The following ARHGAP32 variants were observed in gnomAD, a reference collection of about 807,000 sequenced individuals.
ARHGAP32 encodes rho GTPase-activating protein 32.
ARHGAP32 carries 51 observed loss-of-function variants against 186.5 expected under a neutral mutation model. The observed-to-expected ratio is 0.27, with a 90% CI of 0.22 to 0.35. ARHGAP32 has a LOEUF of 0.35. Among genes scored for constraint, ARHGAP32 ranks in the 10% least tolerant of loss-of-function variants. The pLI, the probability that ARHGAP32 is intolerant of heterozygous loss-of-function variation, is 1.00. For synonymous variants in ARHGAP32, 950 were observed against 964.3 expected, an observed-to-expected ratio of 0.99 and a Z score of 0.27; for missense variants, 2,186 against 2,623.5, an observed-to-expected ratio of 0.83 and a Z score of 3.64.
At chr11:129,059,681 G>C (rs1350649178) in intron 10 of ARHGAP32, among the ~76,000 whole-genome samples, 1 of 151,822 alleles carries the variant, frequency 6.6e-6, no homozygotes. Flanking sequence ...TGTATTTTTA[G>C]TAGAGATGGG....
chr11:129,186,880 T>C (rs1392863049), intron 1 of ARHGAP32, among the ~76,000 whole-genome samples: 1 of 152,066 alleles, frequency 6.6e-6, no homozygotes. Flanking sequence ...CCGGCAACAA[T>C]GTGGAGAAAT....
chr11:129,236,060 A>C (rs1346822810), intron 1 of ARHGAP32, among the ~76,000 whole-genome samples: 1 of 152,102 alleles, frequency 6.6e-6, no homozygotes, highest in Non-Finnish European at 1.5e-5. Context: ...TCGAATAATG[A>C]CTTCTTTTCC....
chr11:129,126,482 C>T (rs1397484494), intron 2 of ARHGAP32, among the ~76,000 whole-genome samples: 1 of 152,170 alleles, frequency 6.6e-6, no homozygotes, highest in Non-Finnish European at 1.5e-5. Flanking sequence ...TCTTTCTAGT[C>T]TGCATTTCAC....
intron 1 of ARHGAP32, among the ~76,000 whole-genome samples, chr11:129,276,984 G>C (rs1441108688): frequency 6.6e-6 from 1 of 152,134 alleles, no homozygotes; most frequent in Non-Finnish European, 1.5e-5. Context: ...GGTTAAATCC[G>C]AAAAATTCTC....
chr11:128,997,684 A>G (rs976253631), intron 12 of ARHGAP32, among the ~76,000 whole-genome samples: 10 of 152,168 alleles, frequency 6.6e-5, no homozygotes, highest in Non-Finnish European at 1.3e-4. Context: ...AATTTAATTT[A>G]TAAAGAAAGG....
At chr11:129,164,238 T>C in intron 2 of ARHGAP32, 81 bp downstream of exon 2, 2 of 852,174 alleles carry the variant, frequency 2.3e-6, no homozygotes, top group South Asian at 4.0e-5. Flanking sequence ...TTGTGTAATG[T>C]GTCCTCAGTT....
intron 1 of ARHGAP32, among the ~76,000 whole-genome samples, chr11:129,189,321 G>C (rs1307973325): frequency 6.6e-6 from 1 of 152,058 alleles, no homozygotes; most frequent in Non-Finnish European, 1.5e-5. Context: ...GTGACTCTCT[G>C]AGCCATAAAT....
intron 5 of ARHGAP32, among the ~76,000 whole-genome samples, chr11:129,113,345 A>G (rs1434632448): frequency 6.6e-6 from 1 of 152,194 alleles, no homozygotes; most frequent in Non-Finnish European, 1.5e-5. Flanking sequence ...TACAGTATGT[A>G]CTACATTAAA....
At chr11:129,193,625 A>T (rs866217007), upstream of ARHGAP32, among the ~76,000 whole-genome samples, 92 of 74,794 alleles carry the variant, frequency 1.2e-3, 2 homozygotes, top group African/African-American at 4.3e-3. Flanking sequence ...ATGTTATATA[A>T]TATATATAAT....
chr11:128,972,912 T>G lies in ARHGAP32; in HGVS notation c.3594A>C (p.Glu1198Asp), dbSNP rs1476279333. The G allele has an allele frequency of 6.2e-7, 1 of 1,614,058 alleles. No individual in the cohort carries two copies. The highest frequency in any genetic ancestry group is 1.7e-5 in the Admixed American group (1 of 59,996). Residue 1198 changes from glutamate (E) to aspartate (D), a missense_variant, in exon 22 of 23, where the codon GAA (glutamate) becomes GAC (aspartate). Physicochemically the swap from Glu to Asp is conservative, Grantham distance 45. Coordinates refer to ENST00000682385, the MANE Select transcript of ARHGAP32 (RefSeq NM_001378024.1). ...EKSDDHVSFP[E>D]DQSGKNSMPT... ...GCATACTGTTCTTCCCAGACTGGTC[T>G]TCAGGGAAACTTACATGATCATCAG...
At chr11:129,130,075 C>T (rs1173782022) in intron 2 of ARHGAP32, among the ~76,000 whole-genome samples, 1 of 152,050 alleles carries the variant, frequency 6.6e-6, no homozygotes, top group African/African-American at 2.4e-5. Context: ...CTTACTTAGA[C>T]CTTCTAATTT....
Position 128,974,360 on chromosome 11 carries a change from T to G in ARHGAP32, c.2837A>C (p.Gln946Pro), listed in dbSNP as rs142035188. The change falls in exon 21 of 23, where the codon CAG becomes CCG. Residue 946 changes from glutamine to proline, a missense_variant. Physicochemically the swap from Gln to Pro is moderately conservative, Grantham distance 76. Around this residue, in one of 5 missense-constraint regions of ARHGAP32, gnomAD observed 1,502 missense variants for 1,570.0 expected, o/e 0.96. Transcript: ENST00000682385. ...VIGTVSNTTA[Q>P]NASSSTWDKC... is the part of the protein sequence containing the mutation. ...GTCCCAGGTTGAAGATGATGCATTCTGAGCTGTGGTATTTGAGACTGTACC... is the reference window on the plus strand; with the variant it reads ...GTCCCAGGTTGAAGATGATGCATTCGGAGCTGTGGTATTTGAGACTGTACC... 1,334 of 1,614,132 alleles carry G rather than the reference T, an allele frequency of 8.3e-4. 3 individuals carry two copies. Among genetic ancestry groups the G allele is most frequent in the Non-Finnish European group, 1.1e-3 (1,258 of 1,180,046 alleles).
At chr11:129,050,125 C>T (rs889575900) in intron 10 of ARHGAP32, among the ~76,000 whole-genome samples, 2 of 152,196 alleles carry the variant, frequency 1.3e-5, no homozygotes, top group Non-Finnish European at 2.9e-5. Flanking sequence ...AACTGCTAAA[C>T]TGTTTTCAAA....
chr11:129,116,632 T>A (rs755211911), intron 5 of ARHGAP32, among the ~76,000 whole-genome samples: 1 of 152,034 alleles, frequency 6.6e-6, no homozygotes, highest in Non-Finnish European at 1.5e-5. Context: ...ACTGAAAATA[T>A]GTACAAGTTA....
intron 6 of ARHGAP32, among the ~76,000 whole-genome samples, chr11:129,072,536 AAC>A (rs1353415303): frequency 1.3e-5 from 2 of 152,226 alleles, no homozygotes; most frequent in African/African-American, 4.8e-5. Flanking sequence ...GGGGTCACGG[AAC>A]AAATCACTAT....
intron 5 of ARHGAP32, among the ~76,000 whole-genome samples, chr11:129,107,945 G>A (rs1942095922): frequency 6.7e-6 from 1 of 148,998 alleles, no homozygotes; most frequent in Non-Finnish European, 1.5e-5. Context: ...AAAATAAACT[G>A]TTATAGTTTT....
chr11:129,144,585 G>A (rs531379853), intron 2 of ARHGAP32, among the ~76,000 whole-genome samples: 10 of 152,256 alleles, frequency 6.6e-5, no homozygotes, highest in African/African-American at 2.2e-4. Flanking sequence ...CCACCAATGT[G>A]GAAGTGCCAA....
intron 5 of ARHGAP32, among the ~76,000 whole-genome samples, chr11:129,115,924 A>G (rs1942355194): frequency 6.6e-6 from 1 of 152,100 alleles, no homozygotes; most frequent in South Asian, 2.1e-4. Context: ...GCTATCCTGT[A>G]TAAGCTTCAA....
At chr11:129,008,751 C>T (rs1272851427) in intron 11 of ARHGAP32, among the ~76,000 whole-genome samples, 1 of 152,228 alleles carries the variant, frequency 6.6e-6, no homozygotes, top group African/African-American at 2.4e-5. Context: ...TGCTCTGAAA[C>T]TCTGGGTAAA....
Sources: gnomAD v4.1 joint callset for allele counts (sites outside exome capture counted in the v4.1 genomes callset) on GRCh38, gnomAD v4.1.1 for gene constraint, gnomAD v4.1.1 regional missense constraint, MANE v1.5 for transcripts, NCBI Gene and HGNC (gene_info 2026-07-23, HGNC 2026-07-21) for gene names.